The following PIK3C2G variants were observed in gnomAD, a reference collection of about 807,000 sequenced individuals.
The protein encoded by PIK3C2G is phosphatidylinositol 3-kinase C2 domain-containing subunit gamma.
Under a neutral mutation model 181.1 loss-of-function variants are expected in PIK3C2G, and 168 were observed. The observed-to-expected ratio is 0.93, with a 90% confidence interval of 0.82 to 1.05. The LOEUF (loss-of-function observed/expected upper bound fraction) is 1.05, where lower values mean the gene tolerates loss of function less well. Among genes scored for constraint, PIK3C2G ranks in the 50% least tolerant of loss-of-function variants. The probability of loss-of-function intolerance (pLI) is 0.00; values close to 1 mark genes in which losing one functional copy is unlikely to be tolerated. For synonymous variants in PIK3C2G, 573 were observed against 592.2 expected (o/e 0.97, Z 0.47); for missense variants, 1,869 against 1,732.8 (o/e 1.08, Z -1.40).
At chr12:18,713,097 G>A in the PIK3C2G span, 1 of 1,396,540 alleles carries the variant, frequency 7.2e-7, no homozygotes, top group Non-Finnish European at 9.9e-7. Flanking sequence ...GCATAAATGA[G>A]TCCATAAAAC....
At chr12:18,244,351 T>C (rs10770324), upstream of PIK3C2G, among the ~76,000 whole-genome samples, 68,033 of 151,682 alleles carry the variant, frequency 0.45, 15,680 homozygotes, top group East Asian at 0.76. Flanking sequence ...TAGTAGAAAA[T>C]AAATTATAGA....
At chr12:18,569,811 C>T (rs1945832486) in intron 29 of PIK3C2G, among the ~76,000 whole-genome samples, 1 of 152,092 alleles carries the variant, frequency 6.6e-6, no homozygotes, top group South Asian at 2.1e-4. Flanking sequence ...CTTGCATTTT[C>T]CTGTTGCTAT....
At chr12:18,685,101 T>A in the PIK3C2G span, among the ~76,000 whole-genome samples, 1 of 152,074 alleles carries the variant, frequency 6.6e-6, no homozygotes, top group Non-Finnish European at 1.5e-5. Flanking sequence ...GAAAATGGAC[T>A]AATACAGTCA....
chr12:18,305,867 G>C (rs1950399295), intron 5 of PIK3C2G, among the ~76,000 whole-genome samples: 1 of 151,574 alleles, frequency 6.6e-6, no homozygotes, highest in Admixed American at 6.6e-5. Flanking sequence ...CCCACAAAAA[G>C]AGCTCCTTGG....
the PIK3C2G span, among the ~76,000 whole-genome samples, chr12:18,660,895 A>C: frequency 1.3e-5 from 2 of 152,176 alleles, no homozygotes; most frequent in Non-Finnish European, 2.9e-5. Flanking sequence ...CAAAGAAGTA[A>C]AGGAAGATGT....
At chr12:18,613,431 T>TGA (rs575899805) in intron 31 of PIK3C2G, among the ~76,000 whole-genome samples, 110 of 152,000 alleles carry the variant, frequency 7.2e-4, no homozygotes, top group African/African-American at 2.6e-3. Flanking sequence ...AAAATTAACA[T>TGA]GAGAGAGAGA....
intron 12 of PIK3C2G, among the ~76,000 whole-genome samples, chr12:18,368,383 A>G (rs929786338): frequency 1.2e-4 from 19 of 152,246 alleles, no homozygotes; most frequent in African/African-American, 4.6e-4. Flanking sequence ...GGTTAAATGC[A>G]TTACTTAGAA....
intron 18 of PIK3C2G, among the ~76,000 whole-genome samples, chr12:18,461,424 T>C (rs546225012): frequency 4.6e-5 from 7 of 152,216 alleles, no homozygotes; most frequent in Non-Finnish European, 2.9e-5. Flanking sequence ...CACTTGCATA[T>C]GTCCTTAGTT....
intron 18 of PIK3C2G, among the ~76,000 whole-genome samples, chr12:18,456,788 T>C (rs1194940924): frequency 6.6e-6 from 1 of 152,106 alleles, no homozygotes; most frequent in East Asian, 1.9e-4. Context: ...TGCTCTTTGT[T>C]AGAAAAGAAA....
intron 25 of PIK3C2G, among the ~76,000 whole-genome samples, chr12:18,544,591 G>A (rs927139079): frequency 4.6e-5 from 7 of 151,720 alleles, no homozygotes; most frequent in African/African-American, 1.7e-4. Context: ...TAGGAACCAG[G>A]AAAAAGAGAG....
intron 30 of PIK3C2G, among the ~76,000 whole-genome samples, chr12:18,598,521 C>G (rs1307319704): frequency 6.6e-6 from 1 of 151,642 alleles, no homozygotes. Flanking sequence ...AAGACTTAAA[C>G]GTTAGACCTA....
the PIK3C2G span, chr12:18,712,932 T>C: frequency 1.2e-6 from 2 of 1,613,980 alleles, no homozygotes; most frequent in South Asian, 1.1e-5. Flanking sequence ...CAGGTTCATT[T>C]TGTGCTCCAT....
In PIK3C2G at chr12:18,538,148, G is replaced by A. The variant is rs759313541; in HGVS notation, c.3324-8G>A. On this transcript the variant is annotated splice_region_variant and splice_polypyrimidine_tract_variant and intron_variant, in intron 24 of 32. Coordinates refer to ENST00000538779, the MANE Select transcript of PIK3C2G (RefSeq NM_001288772.2). ...CTTCGAATGATTGCTACTGTTTTTGGTTTACAGGGACCGAGCTCCTTTCAT... is the reference window on the plus strand; with the variant it reads ...CTTCGAATGATTGCTACTGTTTTTGATTTACAGGGACCGAGCTCCTTTCAT... 6.8e-6 allele frequency: 11 copies of A among 1,606,290 alleles called. No homozygotes were observed. Among genetic ancestry groups the A allele is most frequent in the Non-Finnish European group, 9.3e-6 (11 of 1,176,836 alleles).
At chr12:18,420,367 G>A (rs1330470962) in intron 16 of PIK3C2G, among the ~76,000 whole-genome samples, 1 of 152,040 alleles carries the variant, frequency 6.6e-6, no homozygotes, top group Non-Finnish European at 1.5e-5. Context: ...TGCCTAATGG[G>A]TGCTAAATCT....
chr12:18,713,227 T>C, the PIK3C2G span, among the ~76,000 whole-genome samples: 2 of 152,140 alleles, frequency 1.3e-5, no homozygotes, highest in African/African-American at 4.8e-5. Context: ...AATGTTTTAC[T>C]CTTCCGTGCT....
chr12:18,280,484 T>A (rs556673053), intron 1 of PIK3C2G, among the ~76,000 whole-genome samples: 2 of 151,994 alleles, frequency 1.3e-5, no homozygotes, highest in Non-Finnish European at 2.9e-5. Flanking sequence ...GTGTCCAGGA[T>A]AACACCCTGG....
chr12:18,325,310 A>T (rs1951289709), intron 8 of PIK3C2G, among the ~76,000 whole-genome samples: 1 of 152,222 alleles, frequency 6.6e-6, no homozygotes, highest in Admixed American at 6.5e-5. Context: ...CTGTATGTAC[A>T]CAAGATGCAT....
chr12:18,274,191 T>C (rs1229098463), intron 1 of PIK3C2G, among the ~76,000 whole-genome samples: 2 of 152,148 alleles, frequency 1.3e-5, no homozygotes, highest in Admixed American at 6.5e-5. Flanking sequence ...AGGAACACTT[T>C]TACACTGTTG....
At chr12:18,694,029 A>T in the PIK3C2G span, 1 of 1,453,482 alleles carries the variant, frequency 6.9e-7, no homozygotes, top group Non-Finnish European at 9.6e-7. Context: ...ACAAATGAAG[A>T]CTTCAAAAAA....
Sources: allele counts gnomAD v4.1 joint callset (sites outside exome capture counted in the v4.1 genomes callset), GRCh38; gene constraint gnomAD v4.1.1; transcripts MANE v1.5; gene names NCBI Gene and HGNC (gene_info 2026-07-23, HGNC 2026-07-21).